GAS2: variants seen among roughly 807,000 people sequenced by gnomAD.
GAS2 encodes the protein growth arrest specific 2, also known as growth arrest-specific protein 2.
A neutral mutation model predicts 37.5 loss-of-function variants in GAS2; 20 were observed. The observed-to-expected ratio is 0.53, with a 90% CI of 0.37 to 0.77. GAS2 has a LOEUF of 0.77. Among genes scored for constraint, GAS2 ranks in the 30% least tolerant of loss-of-function variants. The pLI is 0.00. For missense variants in GAS2, 336 were observed against 373.4 expected (o/e 0.90, Z 0.82); for synonymous variants, 144 against 132.2 (o/e 1.09, Z -0.61).
At chr11:22,651,547 C>A (rs990375246) in intron 1 of GAS2, among the ~76,000 whole-genome samples, 1 of 152,112 alleles carries the variant, frequency 6.6e-6, no homozygotes, top group Admixed American at 6.5e-5. Context: ...TCGTCACTTT[C>A]AGGTACACCA....
intron 3 of GAS2, among the ~76,000 whole-genome samples, chr11:22,698,338 A>G (rs907303228): frequency 1.3e-5 from 2 of 152,146 alleles, no homozygotes; most frequent in Non-Finnish European, 2.9e-5. Context: ...GAATCTCTGA[A>G]TAGACCAATA....
chr11:22,758,944 C>T (rs1363676575), intron 7 of GAS2, among the ~76,000 whole-genome samples: 2 of 108,212 alleles, frequency 1.8e-5, no homozygotes, highest in Non-Finnish European at 4.0e-5. Context: ...GTCATAGATA[C>T]AAGATTCTTT....
At chr11:22,648,600 T>G (rs1223072957) in intron 1 of GAS2, among the ~76,000 whole-genome samples, 4 of 152,194 alleles carry the variant, frequency 2.6e-5, no homozygotes, top group Non-Finnish European at 5.9e-5. Context: ...TTTATTTCAT[T>G]GAGCAGTGGT....
chr11:22,688,652 G>C (rs1850086315), intron 3 of GAS2, among the ~76,000 whole-genome samples: 1 of 151,998 alleles, frequency 6.6e-6, no homozygotes, highest in Non-Finnish European at 1.5e-5. Context: ...TTTTCAGTTA[G>C]TAAAACTGCA....
intron 7 of GAS2, among the ~76,000 whole-genome samples, chr11:22,776,295 T>C (rs78052876): frequency 6.6e-6 from 1 of 152,300 alleles, no homozygotes; most frequent in East Asian, 1.9e-4. Context: ...CTCACTTCTA[T>C]TGTTTTAGCA....
At chr11:22,788,017 C>G (rs964613414) in intron 7 of GAS2, among the ~76,000 whole-genome samples, 1 of 152,106 alleles carries the variant, frequency 6.6e-6, no homozygotes, top group African/African-American at 2.4e-5. Flanking sequence ...TGAAAGGTGT[C>G]GGAGTGCCTC....
intron 6 of GAS2, among the ~76,000 whole-genome samples, chr11:22,753,900 C>T (rs546091628): frequency 6.6e-6 from 1 of 152,120 alleles, no homozygotes; most frequent in Non-Finnish European, 1.5e-5. Flanking sequence ...ACCCTACCCT[C>T]AGTCCTAGAA....
chr11:22,653,027 C>CTTTCTTTCTTTCTT (rs1848810702), intron 1 of GAS2, among the ~76,000 whole-genome samples: 1 of 147,458 alleles, frequency 6.8e-6, no homozygotes, highest in South Asian at 2.2e-4. Flanking sequence ...TTCTTTCTTT[C>CTTTCTTTCTTTCTT]TTTCTTTCTC....
At chr11:22,643,937 AT>A (rs1282221289) in intron 1 of GAS2, among the ~76,000 whole-genome samples, 1 of 151,910 alleles carries the variant, frequency 6.6e-6, no homozygotes, top group Non-Finnish European at 1.5e-5. Flanking sequence ...CTTTTAGCAT[AT>A]TTTTTTCATT....
At chr11:22,636,739 T>C (rs1232302853) in intron 1 of GAS2, among the ~76,000 whole-genome samples, 1 of 151,822 alleles carries the variant, frequency 6.6e-6, no homozygotes, top group Non-Finnish European at 1.5e-5. Flanking sequence ...TAATTAATTT[T>C]AAGTTAGCCA....
intron 7 of GAS2, among the ~76,000 whole-genome samples, chr11:22,798,564 A>T (rs1217788844): frequency 6.6e-6 from 1 of 152,080 alleles, no homozygotes; most frequent in African/African-American, 2.4e-5. Context: ...TTAAAATGAG[A>T]TAGTAAATAA....
At chr11:22,762,748 A>G (rs989514252) in intron 7 of GAS2, among the ~76,000 whole-genome samples, 2 of 152,212 alleles carry the variant, frequency 1.3e-5, no homozygotes, top group African/African-American at 2.4e-5. Flanking sequence ...TTGTTACTGT[A>G]TGATGGACAC....
intron 1 of GAS2, among the ~76,000 whole-genome samples, chr11:22,637,064 T>C (rs1858833587): frequency 7.5e-6 from 1 of 133,086 alleles, no homozygotes; most frequent in Admixed American, 8.0e-5. Context: ...AATATTATTA[T>C]ATTAATATTA....
chr11:22,695,217 G>A (rs1411970430), intron 3 of GAS2, among the ~76,000 whole-genome samples: 1 of 152,068 alleles, frequency 6.6e-6, no homozygotes, highest in Non-Finnish European at 1.5e-5. Flanking sequence ...GCACTTGGGA[G>A]GCTGAGGCAG....
rs901469173 is a variant in GAS2, at chr11:22,680,632, G to A, written c.146-5036G>A. On this transcript the variant is annotated intron_variant, in intron 2 of 7. Coordinates refer to ENST00000454584, the MANE Select transcript of GAS2 (RefSeq NM_001143830.3). ...GCCAAATACCAGAACTTGCCTGAAT[G>A]ATATTGTTAGCCATTCTCCAGTCTA... is the stretch of plus-strand genomic sequence containing the variant. Among the ~76,000 whole-genome samples, 24 of 152,164 alleles carry A rather than the reference G, an allele frequency of 1.6e-4. 1 individual carries two copies. Among genetic ancestry groups the A allele is most frequent in the African/African-American group, 5.1e-4 (21 of 41,508 alleles).
At chr11:22,640,711 T>C (rs1054729539) in intron 1 of GAS2, among the ~76,000 whole-genome samples, 4 of 152,186 alleles carry the variant, frequency 2.6e-5, no homozygotes, top group African/African-American at 9.7e-5. Flanking sequence ...GAATGTTTAA[T>C]CACCTGTATT....
At chr11:22,737,817 C>G (rs180803897) in intron 5 of GAS2, 49 bp downstream of exon 5, 1 of 1,520,880 alleles carries the variant, frequency 6.6e-7, no homozygotes, top group African/African-American at 1.4e-5. Flanking sequence ...ATTTCAGCAT[C>G]CAAGCAACAC....
At chr11:22,687,530 A>T (rs971756520) in intron 3 of GAS2, among the ~76,000 whole-genome samples, 7 of 152,164 alleles carry the variant, frequency 4.6e-5, no homozygotes, top group Admixed American at 2.6e-4. Context: ...TAATTTGTAC[A>T]AGATTGGCTA....
chr11:22,731,070 T>A (rs1852450640), intron 4 of GAS2, among the ~76,000 whole-genome samples: 1 of 151,832 alleles, frequency 6.6e-6, no homozygotes, highest in Non-Finnish European at 1.5e-5. Context: ...TTTACTAAGA[T>A]ATTTTAAGTA....
Sources: allele counts gnomAD v4.1 joint callset (sites outside exome capture counted in the v4.1 genomes callset), GRCh38; gene constraint gnomAD v4.1.1; transcripts MANE v1.5; gene names NCBI Gene and HGNC (gene_info 2026-07-23, HGNC 2026-07-21).